SAMSN1: variants seen among roughly 807,000 people sequenced by gnomAD.
SAMSN1 encodes the protein SAM domain-containing protein SAMSN-1.
In SAMSN1, 31 loss-of-function variants were observed where a neutral mutation model predicts 42.0. That is an observed-to-expected ratio of 0.74 (90% CI 0.55 to 1.00). The LOEUF (loss-of-function observed/expected upper bound fraction) is 1.00. Ranked by LOEUF, SAMSN1 falls within the 50% of genes least tolerant of loss-of-function variation. The pLI is 0.00. For synonymous variants in SAMSN1, 178 were observed against 151.9 expected, an observed-to-expected ratio of 1.17 and a Z score of -1.26; for missense variants, 464 against 439.4, an observed-to-expected ratio of 1.06 and a Z score of -0.50.
chr21:14,531,460 T>A (rs1979262543), intron 1 of SAMSN1, among the ~76,000 whole-genome samples: 1 of 151,908 alleles, frequency 6.6e-6, no homozygotes, highest in African/African-American at 2.4e-5. Flanking sequence ...TCTTTCAGGA[T>A]CTTAGATGTA....
chr21:14,595,474 G>T (rs1051785728), intron 6 of SAMSN1, among the ~76,000 whole-genome samples: 2 of 152,088 alleles, frequency 1.3e-5, no homozygotes, highest in Admixed American at 6.6e-5. Context: ...CTGCCTGAAA[G>T]AACTAAGACA....
chr21:14,489,734 G>T (rs1986599169), intron 7 of SAMSN1, among the ~76,000 whole-genome samples: 1 of 151,930 alleles, frequency 6.6e-6, no homozygotes, highest in Non-Finnish European at 1.5e-5. Flanking sequence ...GAGCTAATTT[G>T]CATATTAAAA....
chr21:14,498,040 C>G (rs1379000163), intron 7 of SAMSN1, among the ~76,000 whole-genome samples: 1 of 152,124 alleles, frequency 6.6e-6, no homozygotes, highest in African/African-American at 2.4e-5. Flanking sequence ...TCCTGTGTGC[C>G]ATGAAGGCTC....
intron 1 of SAMSN1, among the ~76,000 whole-genome samples, chr21:14,644,783 G>C (rs763288418): frequency 6.6e-6 from 1 of 152,080 alleles, no homozygotes; most frequent in Non-Finnish European, 1.5e-5. Flanking sequence ...GGCCAGAGGG[G>C]AGTCCAGTGC....
At chr21:14,557,624 C>A (rs540488174) in intron 2 of SAMSN1, among the ~76,000 whole-genome samples, 28 of 152,260 alleles carry the variant, frequency 1.8e-4, no homozygotes, top group African/African-American at 6.3e-4. Context: ...GAAATTTCTA[C>A]GGGGAATTCA....
At chr21:14,580,164 A>C (rs1451880136) in intron 2 of SAMSN1, among the ~76,000 whole-genome samples, 1 of 152,220 alleles carries the variant, frequency 6.6e-6, no homozygotes, top group African/African-American at 2.4e-5. Context: ...GAGAATTCAC[A>C]TATCAGGCAG....
chr21:14,656,067 G>A (rs979336614), intron 1 of SAMSN1, among the ~76,000 whole-genome samples: 1 of 151,706 alleles, frequency 6.6e-6, no homozygotes, highest in Non-Finnish European at 1.5e-5. Context: ...GGCTATGAAA[G>A]AATTGAATAA....
chr21:14,645,768 G>C (rs551418794), intron 1 of SAMSN1, among the ~76,000 whole-genome samples: 5 of 152,018 alleles, frequency 3.3e-5, no homozygotes, highest in Non-Finnish European at 7.4e-5. Context: ...AAAATAACAC[G>C]GATAAGGAAT....
At position 14,616,035 on chromosome 21, in the gene SAMSN1, T is replaced by G. The variant is rs553725546; in HGVS notation, c.157-19A>C. 24 of 585,680 alleles carry G rather than the reference T, an allele frequency of 4.1e-5. No individual in the cohort carries two copies. The East Asian group carries it at 6.8e-4, about 17-fold the overall frequency. The allele number at this position is 585,680 out of a possible 1,614,324, so 36.3% of individuals were successfully genotyped here. A position where few individuals can be genotyped will look rare whatever the true frequency, so the allele number is the denominator to read the frequency against. On this transcript the variant is annotated intron_variant, in intron 2 of 15. Transcript: ENST00000647101. ...AAACTCCCTGTAAAATAAAATAAAA[T>G]GAATAAAATAAAATAAATAACATAA... is the stretch of plus-strand genomic sequence containing the variant.
At chr21:14,594,392 C>A (rs766746951) in intron 6 of SAMSN1, among the ~76,000 whole-genome samples, 1 of 152,056 alleles carries the variant, frequency 6.6e-6, no homozygotes, top group South Asian at 2.1e-4. Flanking sequence ...TCACATAGAG[C>A]AATTCCAATC....
chr21:14,613,457 G>A (rs535642930), intron 3 of SAMSN1, among the ~76,000 whole-genome samples: 47 of 152,170 alleles, frequency 3.1e-4, no homozygotes, highest in African/African-American at 1.1e-3. Context: ...GTGTGTGGGT[G>A]AACACACACA....
chr21:14,489,206 G>T (rs1236756221), intron 7 of SAMSN1, among the ~76,000 whole-genome samples: 1 of 152,126 alleles, frequency 6.6e-6, no homozygotes, highest in Non-Finnish European at 1.5e-5. Context: ...TTGTCCCATG[G>T]TTCAATCATC....
chr21:14,582,522 T>G lies in SAMSN1; in HGVS notation c.-92-34A>C, dbSNP rs1568818906. On this transcript the variant is annotated intron_variant, in intron 1 of 8. Transcript: ENST00000285670. ...CAAAGAAATAGGTTAAAAACTATGA[T>G]TATAATTCTTCACATATAGGAATTA... The G allele has an allele frequency of 5.2e-6, 4 of 765,470 alleles. No homozygotes were observed. In the South Asian group the frequency reaches 7.5e-5, roughly 14 times the overall value. The allele number at this position is 765,470 out of a possible 1,614,324, so 47.4% of individuals were successfully genotyped here.
At chr21:14,627,411 C>T (rs140176398) in intron 2 of SAMSN1, among the ~76,000 whole-genome samples, 3 of 152,254 alleles carry the variant, frequency 2.0e-5, no homozygotes, top group African/African-American at 7.2e-5. Flanking sequence ...ATTTTACTTC[C>T]TCATAGACTC....
intron 2 of SAMSN1, among the ~76,000 whole-genome samples, chr21:14,566,786 C>T (rs1981133374): frequency 6.6e-6 from 1 of 152,076 alleles, no homozygotes; most frequent in Non-Finnish European, 1.5e-5. Context: ...GATCTGCCCA[C>T]CTCGGCCTCC....
At chr21:14,530,178 G>T (rs1002333361) in intron 1 of SAMSN1, among the ~76,000 whole-genome samples, 5 of 151,974 alleles carry the variant, frequency 3.3e-5, no homozygotes, top group African/African-American at 9.7e-5. Context: ...TTAGCCGGGC[G>T]TGGTGGCGGG....
intron 2 of SAMSN1, among the ~76,000 whole-genome samples, chr21:14,564,635 T>C (rs1981051878): frequency 6.6e-6 from 1 of 152,198 alleles, no homozygotes; most frequent in South Asian, 2.1e-4. Flanking sequence ...CTCCATGCAT[T>C]TCTTTAGCAG....
chr21:14,573,296 C>T (rs191527800), intron 2 of SAMSN1, among the ~76,000 whole-genome samples: 18 of 152,124 alleles, frequency 1.2e-4, no homozygotes, highest in African/African-American at 4.3e-4. Context: ...AGACTTTACT[C>T]CTCTGAAATA....
At chr21:14,566,762 T>C (rs1981132443) in intron 2 of SAMSN1, among the ~76,000 whole-genome samples, 1 of 152,126 alleles carries the variant, frequency 6.6e-6, no homozygotes, top group South Asian at 2.1e-4. Flanking sequence ...GGTCTTGAAC[T>C]CCTGATCTCA....
Sources: allele counts gnomAD v4.1 joint callset (sites outside exome capture counted in the v4.1 genomes callset), GRCh38; gene constraint gnomAD v4.1.1; transcripts MANE v1.5; gene names NCBI Gene and HGNC (gene_info 2026-07-23, HGNC 2026-07-21).